EEIG2: variants seen among roughly 807,000 people sequenced by gnomAD.
EEIG2 encodes the protein EEIG family member 2.
the EEIG2 span, among the ~76,000 whole-genome samples, chr1:108,565,273 A>T: frequency 3.3e-5 from 5 of 152,204 alleles, no homozygotes; most frequent in African/African-American, 1.2e-4. Flanking sequence ...TCATTGTGCA[A>T]AAGTCATAGA....
the EEIG2 span, among the ~76,000 whole-genome samples, chr1:108,574,760 G>T: frequency 2.0e-5 from 3 of 152,058 alleles, 1 homozygote; most frequent in South Asian, 4.1e-4. Flanking sequence ...CAAAGAAAAG[G>T]GGGGGTTAGA....
the EEIG2 span, among the ~76,000 whole-genome samples, chr1:108,630,210 C>T: frequency 6.6e-6 from 1 of 152,332 alleles, no homozygotes; most frequent in East Asian, 1.9e-4. Flanking sequence ...CTTTTCCGAG[C>T]AGTTACACAG....
At chr1:108,585,852 C>G in the EEIG2 span, among the ~76,000 whole-genome samples, 1,435 of 152,212 alleles carry the variant, frequency 9.4e-3, 12 homozygotes, top group Middle Eastern at 0.051. Context: ...GCTCATTTCT[C>G]TCTTGATCTC....
the EEIG2 span, chr1:108,639,121 A>G: frequency 1.3e-5 from 2 of 152,182 alleles, no homozygotes; most frequent in Non-Finnish European, 2.9e-5. Flanking sequence ...GAATAACTTT[A>G]CTGAAGTGAT....
chr1:108,571,389 A>G, the EEIG2 span, among the ~76,000 whole-genome samples: 14 of 152,272 alleles, frequency 9.2e-5, no homozygotes, highest in African/African-American at 2.6e-4. Flanking sequence ...GGAGTGTTCT[A>G]TGAAGAGACT....
At chr1:108,595,528 AG>A in the EEIG2 span, among the ~76,000 whole-genome samples, 1 of 107,300 alleles carries the variant, frequency 9.3e-6, no homozygotes, top group African/African-American at 3.4e-5. Context: ...GGAGGGAGGG[AG>A]GAAAAAAATG....
At chr1:108,591,005 G>A in the EEIG2 span, among the ~76,000 whole-genome samples, 1 of 152,222 alleles carries the variant, frequency 6.6e-6, no homozygotes, top group African/African-American at 2.4e-5. Context: ...CTTATTTTAT[G>A]TCAGCAGCTG....
At chr1:108,638,995 T>TA in the EEIG2 span, 1 of 152,238 alleles carries the variant, frequency 6.6e-6, no homozygotes, top group Non-Finnish European at 1.5e-5. Context: ...ATCTTACTGA[T>TA]ATGCGTTGAC....
chr1:108,604,211 A>G, the EEIG2 span, among the ~76,000 whole-genome samples: 14 of 152,340 alleles, frequency 9.2e-5, no homozygotes, highest in African/African-American at 2.6e-4. Flanking sequence ...GATTGGACGC[A>G]GTAGATCAGG....
the EEIG2 span, among the ~76,000 whole-genome samples, chr1:108,605,296 C>CTCATAATGGGGTAGATG: frequency 6.6e-6 from 1 of 152,062 alleles, no homozygotes; most frequent in Admixed American, 6.5e-5. Context: ...AATGTGATCA[C>CTCATAATGGGGTAGATG]TCATAATGGG....
the EEIG2 span, among the ~76,000 whole-genome samples, chr1:108,580,616 C>G: frequency 6.6e-6 from 1 of 152,134 alleles, no homozygotes; most frequent in Non-Finnish European, 1.5e-5. Flanking sequence ...AGCCTTATTG[C>G]TGATATGGAG....
chr1:108,629,541 AGTC>A, the EEIG2 span: 2 of 1,199,568 alleles, frequency 1.7e-6, no homozygotes, highest in African/African-American at 3.0e-5. Context: ...ATTTGACAAT[AGTC>A]TAATAATTGT....
chr1:108,605,690 T>C, the EEIG2 span, among the ~76,000 whole-genome samples: 1 of 152,124 alleles, frequency 6.6e-6, no homozygotes, highest in South Asian at 2.1e-4. Flanking sequence ...TATTTTAAGT[T>C]AAAAAAAGAC....
the EEIG2 span, among the ~76,000 whole-genome samples, chr1:108,603,176 A>G: frequency 1.3e-5 from 2 of 152,244 alleles, no homozygotes; most frequent in Non-Finnish European, 2.9e-5. Flanking sequence ...GGAGGGAAGC[A>G]TAGAGATAAG....
At chr1:108,612,181 G>A in the EEIG2 span, 1 of 1,607,310 alleles carries the variant, frequency 6.2e-7, no homozygotes, top group Non-Finnish European at 8.5e-7. Flanking sequence ...TTCATAGCTG[G>A]GCTTTGCAGA....
At chr1:108,608,211 T>G in the EEIG2 span, among the ~76,000 whole-genome samples, 1 of 152,286 alleles carries the variant, frequency 6.6e-6, no homozygotes, top group Non-Finnish European at 1.5e-5. Context: ...CTTATATTTC[T>G]CCCTCCTCTT....
the EEIG2 span, among the ~76,000 whole-genome samples, chr1:108,601,475 A>C: frequency 7.7e-3 from 1,160 of 151,248 alleles, 12 homozygotes; most frequent in African/African-American, 0.027. Context: ...AAAATACTTA[A>C]TATAATATAC....
At chr1:108,573,094 C>T in the EEIG2 span, among the ~76,000 whole-genome samples, 538 of 152,316 alleles carry the variant, frequency 3.5e-3, 1 homozygote, top group African/African-American at 0.011. Context: ...CATAAGCTTT[C>T]ACCTCATTTG....
the EEIG2 span, among the ~76,000 whole-genome samples, chr1:108,562,090 T>C: frequency 1.3e-5 from 2 of 152,344 alleles, no homozygotes; most frequent in Admixed American, 1.3e-4. Flanking sequence ...TTAATTCTCA[T>C]AGCAAGTCTA....
Sources: gnomAD v4.1 joint callset for allele counts (sites outside exome capture counted in the v4.1 genomes callset) on GRCh38, gnomAD v4.1.1 for gene constraint, MANE v1.5 for transcripts, NCBI Gene and HGNC (gene_info 2026-07-23, HGNC 2026-07-21) for gene names.